The following CAMK2B variants were observed in gnomAD, a reference collection of about 807,000 sequenced individuals.
CAMK2B encodes the protein calcium/calmodulin-dependent protein kinase type II subunit beta.
A neutral mutation model predicts 93.7 loss-of-function variants in CAMK2B; 27 were observed. The ratio of observed to expected loss-of-function variants is 0.29; its 90% CI spans 0.21 to 0.40. The LOEUF (loss-of-function observed/expected upper bound fraction) is 0.40. Among genes scored for constraint, CAMK2B ranks in the 10% least tolerant of loss-of-function variants. CAMK2B has a pLI of 1.00. For missense variants in CAMK2B, 568 were observed against 895.8 expected (o/e 0.63, Z 4.67); for synonymous variants, 374 against 358.8 (o/e 1.04, Z -0.48).
intron 1 of CAMK2B, among the ~76,000 whole-genome samples, chr7:44,324,540 C>T (rs1563138686): frequency 6.6e-6 from 1 of 152,212 alleles, no homozygotes; most frequent in Admixed American, 6.5e-5. Context: ...AAGGAGAGAA[C>T]GGGAGCCACA....
chr7:44,230,802 T>C (rs1284585732), intron 17 of CAMK2B, among the ~76,000 whole-genome samples: 1 of 152,134 alleles, frequency 6.6e-6, no homozygotes, highest in Non-Finnish European at 1.5e-5. Context: ...CAGCTGTCGG[T>C]CATCTCTGCC....
Position 44,234,378 on chromosome 7 carries a change from G to A in CAMK2B, c.1131+12C>T, listed in dbSNP as rs750131027. 1.0e-5 allele frequency: 15 copies of A among 1,504,834 alleles called. No individual in the cohort carries two copies. In the South Asian group the frequency reaches 1.6e-4, roughly 16 times the overall value. The allele number at this position is 1,504,834 out of a possible 1,614,324, so 93.2% of individuals were successfully genotyped here. A position where few individuals can be genotyped will look rare whatever the true frequency, so the allele number is the denominator to read the frequency against. On this transcript the variant is annotated intron_variant, in intron 15 of 23. Coordinates refer to ENST00000395749, the MANE Select transcript of CAMK2B (RefSeq NM_001220.5). ...GGAGGGGCTGAGAGGCAGAATTTGAGGAGCTCAGTACCAGGGCGGCAGGAG... is the reference window on the plus strand; with the variant it reads ...GGAGGGGCTGAGAGGCAGAATTTGAAGAGCTCAGTACCAGGGCGGCAGGAG...
intron 17 of CAMK2B, chr7:44,230,203 T>C (rs901396253): frequency 6.6e-6 from 1 of 152,336 alleles, no homozygotes; most frequent in African/African-American, 2.4e-5. Flanking sequence ...CTCTCCGGCA[T>C]CCAGGGCCCA....
intron 8 of CAMK2B, 38 bp downstream of exon 8, chr7:44,243,212 C>A (rs187359268): frequency 6.6e-7 from 1 of 1,512,388 alleles, no homozygotes; most frequent in East Asian, 2.3e-5. Context: ...CTGAAACACC[C>A]GAGGCCCTGC....
At chr7:44,319,304 C>T (rs913010163) in intron 1 of CAMK2B, among the ~76,000 whole-genome samples, 5 of 152,142 alleles carry the variant, frequency 3.3e-5, no homozygotes, top group African/African-American at 7.2e-5. Context: ...CAGGGACAGA[C>T]ATTGCACACT....
chr7:44,229,772 G>A (rs144234060), intron 17 of CAMK2B: 230 of 363,396 alleles, frequency 6.3e-4, no homozygotes, highest in Middle Eastern at 4.9e-3. Context: ...GCAGGCTGGC[G>A]CAGAGTCAGA....
chr7:44,229,419 A>G lies in CAMK2B; in HGVS notation c.1308T>C (p.Ser436=). The G allele has an allele frequency of 6.6e-7, 1 of 1,513,808 alleles. No individual in the cohort carries two copies. Among genetic ancestry groups the G allele is most frequent in the Non-Finnish European group, 8.8e-7 (1 of 1,131,100 alleles). The allele number at this position is 1,513,808 out of a possible 1,614,324, so 93.8% of individuals were successfully genotyped here. A position where few individuals can be genotyped will look rare whatever the true frequency, so the allele number is the denominator to read the frequency against. ...PEAEGPLPCP[S]PAPFSPLPAP... ...CTGGCAGGGGGCTAAAGGGAGCCGG[A>G]GATGGGCAGGGCAGGGGCCCCTCGG... The change falls in exon 18 of 24, where the codon TCT becomes TCC. Residue 436 remains serine (S), a synonymous_variant. Coordinates refer to ENST00000395749, the MANE Select transcript of CAMK2B (RefSeq NM_001220.5).
At chr7:44,243,665 G>A (rs990126432) in intron 6 of CAMK2B, 138 bp from the exon 7 acceptor site, 1 of 672,524 alleles carries the variant, frequency 1.5e-6, no homozygotes, top group African/African-American at 1.8e-5. Flanking sequence ...CTGCCCCATG[G>A]TGTCTGCAGG....
intron 1 of CAMK2B, among the ~76,000 whole-genome samples, chr7:44,290,371 C>T (rs926131394): frequency 6.6e-6 from 1 of 152,240 alleles, no homozygotes; most frequent in African/African-American, 2.4e-5. Flanking sequence ...TCAGGTCCTC[C>T]AGAGCAGGTC....
intron 5 of CAMK2B, among the ~76,000 whole-genome samples, chr7:44,251,711 G>T (rs1396495712): frequency 1.3e-5 from 2 of 152,240 alleles, no homozygotes; most frequent in African/African-American, 4.8e-5. Context: ...GTTTCTAAGA[G>T]AACATCTCTT....
chr7:44,227,696 C>T (rs1470529262), intron 19 of CAMK2B, among the ~76,000 whole-genome samples: 3 of 4,638 alleles, frequency 6.5e-4, no homozygotes, highest in Admixed American at 3.2e-3. Flanking sequence ...CAGAAAAGGG[C>T]GTGAAGGGAC....
Position 44,225,394 on chromosome 7 carries a change from CT to C in CAMK2B, c.1597+1121del, listed in dbSNP as rs2096462857. Among the ~76,000 whole-genome samples the C allele has an allele frequency of 6.6e-6, 1 of 152,132 alleles. No homozygotes were observed. Among genetic ancestry groups the C allele is most frequent in the Non-Finnish European group, 1.5e-5 (1 of 68,004 alleles). ...ACCCACCCCAGCTGCACGGCGGCCC[CT>C]CCCCATGCCTCCCTCCTTGAGTTCT... On this transcript the variant is annotated intron_variant, in intron 20 of 23. Coordinates refer to ENST00000395749, the MANE Select transcript of CAMK2B (RefSeq NM_001220.5). The surrounding 1 kb of genome is among the most constrained non-coding windows in gnomAD (Gnocchi z 5.0).
intron 1 of CAMK2B, among the ~76,000 whole-genome samples, chr7:44,324,743 C>T (rs1416913548): frequency 6.6e-6 from 1 of 152,182 alleles, no homozygotes; most frequent in African/African-American, 2.4e-5. Flanking sequence ...TCGTCCTCCC[C>T]ACACCTCCAA....
At chr7:44,299,655 G>T (rs866505421) in intron 1 of CAMK2B, among the ~76,000 whole-genome samples, 5 of 152,106 alleles carry the variant, frequency 3.3e-5, no homozygotes, top group Non-Finnish European at 7.4e-5. Flanking sequence ...ATCATTTTAG[G>T]ATCAATAATT....
At chr7:44,243,913 T>A (rs1019566207) in intron 6 of CAMK2B, among the ~76,000 whole-genome samples, 1 of 152,168 alleles carries the variant, frequency 6.6e-6, no homozygotes, top group Non-Finnish European at 1.5e-5. Context: ...GACTGTGCAG[T>A]GGCTGGGGGC....
intron 18 of CAMK2B, 152 bp downstream of exon 18, chr7:44,229,236 G>A: frequency 4.8e-6 from 3 of 628,334 alleles, no homozygotes; most frequent in Non-Finnish European, 5.6e-6. Context: ...ATGGGCTGGG[G>A]CCACCCTGGA....
intron 1 of CAMK2B, among the ~76,000 whole-genome samples, chr7:44,309,693 G>A (rs1005532231): frequency 2.6e-5 from 4 of 152,178 alleles, no homozygotes; most frequent in African/African-American, 9.7e-5. Flanking sequence ...GCCCGGGCAG[G>A]AGCGCCCGCG....
intron 1 of CAMK2B, chr7:44,325,121 C>T (rs1454169025): frequency 6.6e-6 from 1 of 151,294 alleles, no homozygotes; most frequent in South Asian, 2.1e-4. Context: ...AGCCCCGGCC[C>T]GGCAGCCGCG....
intron 1 of CAMK2B, among the ~76,000 whole-genome samples, chr7:44,314,640 AAGAAT>A (rs2116332403): frequency 6.6e-6 from 1 of 152,334 alleles, no homozygotes; most frequent in African/African-American, 2.4e-5. Flanking sequence ...GCATATACCT[AAGAAT>A]AGAACATTTT....
Sources: allele counts gnomAD v4.1 joint callset (sites outside exome capture counted in the v4.1 genomes callset), GRCh38; gene constraint gnomAD v4.1.1; non-coding constraint Gnocchi (gnomAD v3.1); transcripts MANE v1.5; gene names NCBI Gene and HGNC (gene_info 2026-07-23, HGNC 2026-07-21).